PDXDC1: variants seen among roughly 807,000 people sequenced by gnomAD.
PDXDC1 encodes pyridoxal-dependent decarboxylase domain-containing protein 1.
A neutral mutation model predicts 100.1 loss-of-function variants in PDXDC1; 42 were observed. The ratio of observed to expected loss-of-function variants is 0.42; its 90% CI spans 0.33 to 0.54. PDXDC1 has a LOEUF of 0.54. Among genes scored for constraint, PDXDC1 ranks in the 20% least tolerant of loss-of-function variants. PDXDC1 has a pLI of 0.10. For synonymous variants in PDXDC1, 260 were observed against 371.7 expected (o/e 0.70, Z 3.46); for missense variants, 636 against 979.2 (o/e 0.65, Z 4.68).
intron 3 of PDXDC1, among the ~76,000 whole-genome samples, chr16:15,001,186 T>G (rs1454291648): frequency 6.6e-6 from 1 of 152,090 alleles, no homozygotes; most frequent in Non-Finnish European, 1.5e-5. Context: ...AAAACCCTGT[T>G]TCTACCAAAA....
At chr16:15,127,573 C>T (rs537529674) in intron 16 of PDXDC1, 141 of 1,335,124 alleles carry the variant, frequency 1.1e-4, no homozygotes, top group African/African-American at 1.0e-3. Flanking sequence ...GCTCAGCGGG[C>T]TCAGCCTGGA....
intron 8 of PDXDC1, among the ~76,000 whole-genome samples, chr16:15,015,314 GA>G (rs1366376484): frequency 6.6e-6 from 1 of 152,284 alleles, no homozygotes; most frequent in Non-Finnish European, 1.5e-5. Context: ...TAAAAAGGTG[GA>G]AAAGTTTATC....
chr16:15,088,769 C>A (rs1053523786), intron 16 of PDXDC1, among the ~76,000 whole-genome samples: 2 of 152,176 alleles, frequency 1.3e-5, no homozygotes, highest in African/African-American at 2.4e-5. Flanking sequence ...AGTGACCAAG[C>A]CAACAGATAA....
intron 16 of PDXDC1, chr16:15,131,760 G>A: frequency 1.2e-5 from 11 of 905,976 alleles, no homozygotes; most frequent in Non-Finnish European, 1.6e-5. Flanking sequence ...GGGAGGGTGG[G>A]GGCAGGCAAA....
chr16:14,997,617 A>G, intron 1 of PDXDC1, 136 bp from the exon 2 acceptor site: 1 of 989,244 alleles, frequency 1.0e-6, no homozygotes, highest in Non-Finnish European at 1.5e-6. Flanking sequence ...ATACTTTTGT[A>G]CTATTGCAAG....
In PDXDC1 at chr16:15,036,063, G is replaced by C; in HGVS notation, c.2155G>C (p.Glu719Gln). Residue 719 changes from glutamate (E) to glutamine (Q), a missense_variant, in exon 23 of 23, where the codon GAG becomes CAG. Physicochemically the swap from Glu to Gln is conservative, Grantham distance 29. Coordinates refer to ENST00000396410, the MANE Select transcript of PDXDC1 (RefSeq NM_015027.4). ...RSLRGSDALS[E>Q]TSSVSHIEDL... is the part of the protein sequence containing the mutation. Reference sequence around the variant, plus strand: ...CCTGCGAGGTTCAGATGCTTTGAGTGAGACCAGCTCAGTCAGTCACATTGA... The same window carrying C: ...CCTGCGAGGTTCAGATGCTTTGAGTCAGACCAGCTCAGTCAGTCACATTGA... 3 of 1,614,164 alleles carry C rather than the reference G, an allele frequency of 1.9e-6. No homozygotes were observed. Among genetic ancestry groups the C allele is most frequent in the Non-Finnish European group, 2.5e-6 (3 of 1,180,018 alleles).
intron 16 of PDXDC1, among the ~76,000 whole-genome samples, chr16:15,117,647 C>G (rs367960723): frequency 8.8e-6 from 1 of 114,248 alleles, no homozygotes; most frequent in African/African-American, 3.4e-5. Flanking sequence ...GAGCCGAGAT[C>G]ACACCATTAT....
intron 16 of PDXDC1, among the ~76,000 whole-genome samples, chr16:15,087,685 C>T (rs964191291): frequency 2.6e-5 from 4 of 152,164 alleles, no homozygotes; most frequent in African/African-American, 4.8e-5. Context: ...ATAACATTAA[C>T]GGTAGCTCAC....
chr16:15,037,858 T>A lies in PDXDC1; in HGVS notation c.*1583T>A, dbSNP rs990830638. The A allele has an allele frequency of 3.8e-6, 2 of 528,278 alleles. No homozygotes were observed. The highest frequency in any genetic ancestry group is 3.8e-5 in the African/African-American group (2 of 52,190). The allele number at this position is 528,278 out of a possible 1,614,324, so 32.7% of individuals were successfully genotyped here. A position where few individuals can be genotyped will look rare whatever the true frequency, so the allele number is the denominator to read the frequency against. ...AAAAAATAAGTCTCAACAAATGCCT[T>A]TGCCAAAATAAGGTTTTATTTTGAA... On this transcript the variant is annotated 3_prime_UTR_variant, in exon 23 of 23. Coordinates refer to ENST00000396410, the MANE Select transcript of PDXDC1 (RefSeq NM_015027.4).
intron 16 of PDXDC1, chr16:15,063,330 G>C: frequency 7.0e-7 from 1 of 1,437,566 alleles, no homozygotes; most frequent in Non-Finnish European, 9.8e-7. Flanking sequence ...TACTTCGGCA[G>C]AAGTCAAAAT....
At chr16:15,038,929 T>TC (rs2043677568), downstream of PDXDC1, among the ~76,000 whole-genome samples, 1 of 152,160 alleles carries the variant, frequency 6.6e-6, no homozygotes, top group South Asian at 2.1e-4. Context: ...GGGTGTTTTT[T>TC]CCCATTTGGG....
chr16:15,127,572 G>A (rs1273038494), intron 16 of PDXDC1: 10 of 1,325,258 alleles, frequency 7.5e-6, no homozygotes, highest in Non-Finnish European at 1.1e-5. Context: ...CGCTCAGCGG[G>A]CTCAGCCTGG....
intron 16 of PDXDC1, chr16:15,094,359 G>A: frequency 2.3e-6 from 2 of 852,768 alleles, no homozygotes; most frequent in South Asian, 3.0e-5. Flanking sequence ...CGCGTGGGGA[G>A]GGCGTATGCT....
intron 16 of PDXDC1, chr16:15,110,521 C>G (rs1273338823): frequency 6.3e-7 from 1 of 1,587,506 alleles, no homozygotes; most frequent in African/African-American, 1.3e-5. Flanking sequence ...CCACCTGTCT[C>G]CATAAAGTAA....
intron 16 of PDXDC1, among the ~76,000 whole-genome samples, chr16:15,072,289 A>G (rs182132151): frequency 1.3e-5 from 2 of 152,236 alleles, no homozygotes; most frequent in Admixed American, 1.3e-4. Flanking sequence ...GACAAAGCCT[A>G]AAGTTTTTAA....
At chr16:15,061,474 T>C (rs1012687397) in intron 16 of PDXDC1, 1 of 381,846 alleles carries the variant, frequency 2.6e-6, no homozygotes, top group African/African-American at 2.1e-5. Context: ...AATGTACATA[T>C]TAAACAAGCA....
chr16:15,139,774 C>T (rs971968396), downstream of PDXDC1, among the ~76,000 whole-genome samples: 7 of 151,972 alleles, frequency 4.6e-5, no homozygotes, highest in Admixed American at 1.3e-4. Flanking sequence ...GAGCAAGACC[C>T]GGTCTCGAAA....
intron 16 of PDXDC1, among the ~76,000 whole-genome samples, chr16:15,084,000 G>C (rs549222319): frequency 6.6e-6 from 1 of 152,220 alleles, no homozygotes; most frequent in African/African-American, 2.4e-5. Context: ...ACAGGCGTGA[G>C]CCACCGCGCC....
At chr16:15,086,341 C>G (rs1325184940) in intron 16 of PDXDC1, 3 of 1,612,862 alleles carry the variant, frequency 1.9e-6, no homozygotes, top group Non-Finnish European at 2.5e-6. Context: ...ACATACTTTA[C>G]AGTAAAATAA....
Sources: gnomAD v4.1 joint callset for allele counts (sites outside exome capture counted in the v4.1 genomes callset) on GRCh38, gnomAD v4.1.1 for gene constraint, MANE v1.5 for transcripts, NCBI Gene and HGNC (gene_info 2026-07-23, HGNC 2026-07-21) for gene names.